AZIN2: variants seen among roughly 807,000 people sequenced by gnomAD.
AZIN2 encodes antizyme inhibitor 2, also known as ODC antizyme inhibitor-2.
A neutral mutation model predicts 47.8 loss-of-function variants in AZIN2; 28 were observed. That is an observed-to-expected ratio of 0.59 (90% confidence interval 0.43 to 0.80). The LOEUF (loss-of-function observed/expected upper bound fraction) is 0.80. Ranked by LOEUF, AZIN2 falls within the 30% of genes least tolerant of loss-of-function variation. The probability of loss-of-function intolerance (pLI) is 0.00; values close to 1 mark genes in which losing one functional copy is unlikely to be tolerated. For synonymous variants in AZIN2, 221 were observed against 239.4 expected (o/e 0.92, Z 0.71); for missense variants, 535 against 582.5 (o/e 0.92, Z 0.84).
chr1:33,152,539 C>T, the AZIN2 span, among the ~76,000 whole-genome samples: 27 of 149,432 alleles, frequency 1.8e-4, no homozygotes, highest in Non-Finnish European at 3.5e-4. Flanking sequence ...TGCACTCCAG[C>T]CTGGGCAACA....
the AZIN2 span, chr1:33,147,410 C>T: frequency 1.4e-5 from 22 of 1,614,038 alleles, no homozygotes; most frequent in East Asian, 4.5e-5. This position sits in a 1 kb window ranked among gnomAD's most constrained non-coding sequence, Gnocchi z 8.1. Flanking sequence ...TCCGTGCAGG[C>T]GCTGTACTGG....
At chr1:33,092,549 G>T (rs1642679343) in intron 6 of AZIN2, among the ~76,000 whole-genome samples, 1 of 152,196 alleles carries the variant, frequency 6.6e-6, no homozygotes. Context: ...AGGCTTGAGA[G>T]AGTCGAGGGA....
chr1:33,134,364 G>T, the AZIN2 span, among the ~76,000 whole-genome samples: 67 of 152,380 alleles, frequency 4.4e-4, 1 homozygote, highest in African/African-American at 1.6e-3. Flanking sequence ...GCAGGGCCAA[G>T]AATTAAGTGC....
chr1:33,166,513 A>G, the AZIN2 span, among the ~76,000 whole-genome samples: 1 of 152,178 alleles, frequency 6.6e-6, no homozygotes, highest in Non-Finnish European at 1.5e-5. Flanking sequence ...CTTTGCTTAT[A>G]TTAAATCATT....
rs186095796 is a variant in AZIN2 at position 33,104,740 on chromosome 1, C to A, written c.1029+6561C>A. On this transcript the variant is annotated intron_variant, in intron 10 of 11. Transcript: ENST00000294517. The stretch of plus-strand genomic sequence containing the variant: ...TTTAACACAAGGTCACATTCTGTCA[C>A]CCTGGCCAGAGTGCAGTGGCACAGT... Among the ~76,000 whole-genome samples the A allele has an allele frequency of 2.5e-3, 388 of 152,236 alleles. 4 individuals are homozygous for A. Among genetic ancestry groups the A allele is most frequent in the African/African-American group, 9.1e-3 (376 of 41,538 alleles).
At chr1:33,109,227 A>G (rs754654394) in intron 10 of AZIN2, among the ~76,000 whole-genome samples, 2 of 151,348 alleles carry the variant, frequency 1.3e-5, no homozygotes, top group Admixed American at 1.3e-4. Flanking sequence ...GAGTTTTAAG[A>G]GTTCTTCATA....
chr1:33,155,981 A>G, the AZIN2 span, among the ~76,000 whole-genome samples: 1 of 152,210 alleles, frequency 6.6e-6, no homozygotes, highest in Admixed American at 6.5e-5. Context: ...AGGTGAAGCC[A>G]TCAGAAGAGA....
the AZIN2 span, among the ~76,000 whole-genome samples, chr1:33,139,444 C>G: frequency 1.3e-5 from 2 of 152,204 alleles, no homozygotes; most frequent in African/African-American, 4.8e-5. Flanking sequence ...ACCCAGAGTC[C>G]TTCTTGGAAA....
the AZIN2 span, among the ~76,000 whole-genome samples, chr1:33,153,324 GGCA>G: frequency 6.6e-6 from 1 of 152,238 alleles, no homozygotes; most frequent in African/African-American, 2.4e-5. Flanking sequence ...CTCTGCTCTG[GGCA>G]GGATGTTGGA....
Position 33,084,102 on chromosome 1 carries a change from G to C in AZIN2, c.254G>C (p.Gly85Ala). The change falls in exon 5 of 12, where the codon GGG becomes GCG. Residue 85 changes from glycine to alanine, a missense_variant. This residue lies in a region of AZIN2 where 409 missense variants were observed against 429.0 expected (regional missense o/e 0.95). Transcript: ENST00000294517. ...GTGCTGAAGGTTCTGGCCCAGCTGG[G>C]GCTGGGCTTTAGCTGTGCCAACAAG... The part of the protein sequence containing the change: ...PGVLKVLAQL[G>A]LGFSCANKAE... 2 of 1,612,360 alleles carry C rather than the reference G, an allele frequency of 1.2e-6. No individual in the cohort carries two copies. Among genetic ancestry groups the C allele is most frequent in the Non-Finnish European group, 1.7e-6 (2 of 1,180,020 alleles).
the AZIN2 span, chr1:33,165,174 C>A: frequency 5.8e-5 from 17 of 292,476 alleles, no homozygotes; most frequent in South Asian, 9.3e-4. This position sits in a 1 kb window ranked among gnomAD's most constrained non-coding sequence, Gnocchi z 4.0. Context: ...TCCGGAGGGT[C>A]CCGGGACCCG....
At position 33,118,063 on chromosome 1, in the gene AZIN2, CT is replaced by C. The variant is rs750109718; in HGVS notation, c.1195del (p.Trp399GlyfsTer24). 6.5e-7 allele frequency: 1 copy of C among 1,526,908 alleles called. No homozygotes were observed. The highest frequency in any genetic ancestry group is 1.4e-5 in the African/African-American group (1 of 71,762). 94.6% of individuals were successfully genotyped at this position (1,526,908 alleles called of 1,614,324 possible). The stretch of plus-strand genomic sequence containing the variant: ...CCTACACTGTGGGCATGGGTTCCCC[CT>C]TTTGGGGGACCCAGGCCTGCCACAT... ...GAYTVGMGSPFWGTQACHITY... is the reference protein window; with the variant it reads ...GAYTVGMGSPXWGTQACHITY... On this transcript the variant is annotated frameshift_variant, in exon 11 of 12. Transcript: ENST00000294517. LOFTEE classifies it high-confidence loss of function.
chr1:33,146,117 G>A, the AZIN2 span: 51 of 266,132 alleles, frequency 1.9e-4, no homozygotes, highest in East Asian at 5.1e-3. Context: ...TGAATCTGGC[G>A]CTGGGAGTTC....
At chr1:33,094,012 T>A (rs1168803944) in intron 7 of AZIN2, among the ~76,000 whole-genome samples, 3 of 152,094 alleles carry the variant, frequency 2.0e-5, no homozygotes, top group African/African-American at 2.4e-5. Context: ...GGATTACAGG[T>A]GTGAGCCACT....
At chr1:33,149,438 G>T in the AZIN2 span, among the ~76,000 whole-genome samples, 5 of 150,516 alleles carry the variant, frequency 3.3e-5, no homozygotes, top group Non-Finnish European at 5.9e-5. Flanking sequence ...ACAGGCATGA[G>T]CCACTGTGCT....
chr1:33,097,681 G>A (rs183840455), intron 9 of AZIN2, among the ~76,000 whole-genome samples: 400 of 152,258 alleles, frequency 2.6e-3, no homozygotes, highest in Non-Finnish European at 4.4e-3. Context: ...GGATTGTCCC[G>A]TCTGATCCAA....
At position 33,097,022 on chromosome 1, in the gene AZIN2, G is replaced by A. The variant is rs146870695; in HGVS notation, c.916+153G>A. On this transcript the variant is annotated intron_variant, in intron 9 of 11. Coordinates refer to ENST00000294517, the MANE Select transcript of AZIN2 (RefSeq NM_052998.4). ...CTTTAGGGAAACTTTCAGTCAAGTC[G>A]CCCCACCCCAAGACATTTATTTAGC... The A allele has an allele frequency of 6.4e-4, 546 of 847,536 alleles. 4 individuals are homozygous for A. The African/African-American group carries it at 8.1e-3, about 13-fold the overall frequency. 52.5% of individuals were successfully genotyped at this position (847,536 alleles called of 1,614,324 possible).
chr1:33,084,423 T>G (rs1470655395), intron 5 of AZIN2, among the ~76,000 whole-genome samples: 1 of 152,056 alleles, frequency 6.6e-6, no homozygotes, highest in Non-Finnish European at 1.5e-5. Flanking sequence ...TTCTTCTAAT[T>G]AAAACAAAAG....
intron 8 of AZIN2, among the ~76,000 whole-genome samples, chr1:33,095,356 A>G (rs981165192): frequency 2.6e-5 from 4 of 152,202 alleles, no homozygotes; most frequent in Non-Finnish European, 5.9e-5. Flanking sequence ...TCTAATACTC[A>G]GGATTTGTTA....
Sources: allele counts gnomAD v4.1 joint callset (sites outside exome capture counted in the v4.1 genomes callset), GRCh38; gene constraint gnomAD v4.1.1; regional missense constraint gnomAD v4.1.1; non-coding constraint Gnocchi (gnomAD v3.1); transcripts MANE v1.5; gene names NCBI Gene and HGNC (gene_info 2026-07-23, HGNC 2026-07-21).